The following NCAPG2 variants were observed in gnomAD, a reference collection of about 807,000 sequenced individuals.
NCAPG2 encodes the protein non-SMC condensin II complex subunit G2, also known as condensin-2 complex subunit G2.
NCAPG2 carries 53 observed loss-of-function variants against 141.1 expected under a neutral mutation model. That is an observed-to-expected ratio of 0.38 (90% CI 0.30 to 0.47). NCAPG2 has a LOEUF of 0.47. Among genes scored for constraint, NCAPG2 ranks in the 20% least tolerant of loss-of-function variants. The pLI, the probability that NCAPG2 is intolerant of heterozygous loss-of-function variation, is 0.99. For synonymous variants in NCAPG2, 499 were observed against 490.7 expected, an observed-to-expected ratio of 1.02 and a Z score of -0.22; for missense variants, 1,087 against 1,389.0, an observed-to-expected ratio of 0.78 and a Z score of 3.46.
At chr7:158,642,498 A>G (rs1173181523) in intron 27 of NCAPG2, among the ~76,000 whole-genome samples, 1 of 152,132 alleles carries the variant, frequency 6.6e-6, no homozygotes, top group Non-Finnish European at 1.5e-5. Flanking sequence ...ACTACACTCC[A>G]GCCTGGGTGA....
At position 158,654,907 on chromosome 7, in the gene NCAPG2, G is replaced by T. The variant is rs910040162; in HGVS notation, c.2646+211C>A. On this transcript the variant is annotated intron_variant, in intron 21 of 27. Coordinates refer to ENST00000356309, the MANE Select transcript of NCAPG2 (RefSeq NM_017760.7). ...TTTATGTAATTCCACAAACATAATC[G>T]AACACCTCTTATATGTAATGTATAA... 7.1e-6 allele frequency: 8 copies of T among 1,124,324 alleles called. No individual in the cohort carries two copies. In the African/African-American group the frequency reaches 1.3e-4, roughly 18 times the overall value. The allele number at this position is 1,124,324 out of a possible 1,614,324, so 69.6% of individuals were successfully genotyped here.
At chr7:158,660,400 T>C (rs1302786452) in intron 16 of NCAPG2, among the ~76,000 whole-genome samples, 2 of 135,908 alleles carry the variant, frequency 1.5e-5, no homozygotes, top group African/African-American at 5.7e-5. Context: ...ATTTCAGCTT[T>C]CTTTTTTTTT....
intron 15 of NCAPG2, among the ~76,000 whole-genome samples, chr7:158,663,521 C>T (rs1832696657): frequency 6.6e-6 from 1 of 152,226 alleles, no homozygotes; most frequent in Admixed American, 6.5e-5. Flanking sequence ...CTGGGTGAGC[C>T]ATCTGCTGCC....
In NCAPG2 at chr7:158,662,330, C is replaced by T; in HGVS notation, c.1853G>A (p.Cys618Tyr). 6.3e-7 allele frequency: 1 copy of T among 1,599,850 alleles called. No homozygotes were observed. Among genetic ancestry groups the T allele is most frequent in the South Asian group, 1.2e-5 (1 of 86,442 alleles). ...DKTLSVNDVA[C>Y]MAGLLEIIVI... ...AATGATTTCTAGTAAACCTGCCATG[C>T]ATGCAACATCGTTTACTGACAGTGT... Residue 618 changes from cysteine (C) to tyrosine (Y), a missense_variant, in exon 16 of 28, where the codon TGC becomes TAC. Physicochemically the swap from Cys to Tyr is radical, Grantham distance 194. Coordinates refer to ENST00000356309, the MANE Select transcript of NCAPG2 (RefSeq NM_017760.7).
At chr7:158,646,374 C>T in intron 25 of NCAPG2, 86 bp downstream of exon 25, 2 of 927,780 alleles carry the variant, frequency 2.2e-6, no homozygotes, top group Non-Finnish European at 1.6e-6. Context: ...CTTTGAAAAA[C>T]TTGAGTGTAA....
Position 158,654,664 on chromosome 7 carries a change from T to A in NCAPG2, c.2677A>T (p.Met893Leu). Residue 893 changes from methionine (M) to leucine (L), a missense_variant, in exon 22 of 28, where the codon ATG becomes TTG. Physicochemically the swap from Met to Leu is conservative, Grantham distance 15. Transcript: ENST00000356309. The stretch of plus-strand genomic sequence containing the variant: ...AACTGATGGTCACCAAGGCCTACCA[T>A]AACAACATCTTTACACACAGTCAGG... The part of the protein sequence containing the change: ...TYLTVCKDVV[M>L]VGLGDHQFQM... 6.2e-7 allele frequency: 1 copy of A among 1,614,040 alleles called. No homozygotes were observed. The highest frequency in any genetic ancestry group is 1.1e-5 in the South Asian group (1 of 91,066).
chr7:158,679,182 A>G (rs1386898407), intron 11 of NCAPG2, among the ~76,000 whole-genome samples: 1 of 152,208 alleles, frequency 6.6e-6, no homozygotes, highest in African/African-American at 2.4e-5. Flanking sequence ...AACTTTCTGC[A>G]TGTCAGGTTT....
chr7:158,651,918 A>T (rs1429261735), intron 23 of NCAPG2, among the ~76,000 whole-genome samples: 2 of 152,152 alleles, frequency 1.3e-5, no homozygotes, highest in African/African-American at 2.4e-5. Flanking sequence ...TATTTGGAAA[A>T]CTCTGTGAAC....
At chr7:158,670,339 G>A (rs1833607635) in intron 13 of NCAPG2, among the ~76,000 whole-genome samples, 1 of 152,196 alleles carries the variant, frequency 6.6e-6, no homozygotes, top group Non-Finnish European at 1.5e-5. Flanking sequence ...GCCAAGGTGG[G>A]CAGATCGCTT....
In NCAPG2 at chr7:158,656,303, C is replaced by T. The variant is rs760942319; in HGVS notation, c.2345G>A (p.Arg782Gln). The change falls in exon 19 of 28, where the codon CGG becomes CAG. Residue 782 changes from arginine (R) to glutamine (Q), a missense_variant. Transcript: ENST00000356309. Reference protein sequence around the residue: ...KNRECLLSAPRKKLNHLLKAL... With the variant: ...KNRECLLSAPQKKLNHLLKAL... ...TTTCAAAAGATGGTTAAGTTTCTTC[C>T]GAGGAGCAGAGAGCAAGCACTCGCG... 3.1e-6 allele frequency: 5 copies of T among 1,614,086 alleles called. No homozygotes were observed. Among genetic ancestry groups the T allele is most frequent in the South Asian group, 2.2e-5 (2 of 91,066 alleles).
chr7:158,683,801 G>C (rs756806300), intron 8 of NCAPG2, among the ~76,000 whole-genome samples: 56 of 152,202 alleles, frequency 3.7e-4, no homozygotes, highest in Non-Finnish European at 2.4e-4. Context: ...AACAAAAACA[G>C]AACTACCTCT....
intron 27 of NCAPG2, among the ~76,000 whole-genome samples, chr7:158,637,598 C>T (rs1830374550): frequency 6.6e-6 from 1 of 152,274 alleles, no homozygotes; most frequent in East Asian, 1.9e-4. Flanking sequence ...CCCAGCACCT[C>T]CCCTGCGATG....
chr7:158,655,013 G>A, intron 21 of NCAPG2, 105 bp downstream of exon 21: 1 of 1,380,020 alleles, frequency 7.2e-7, no homozygotes, highest in Non-Finnish European at 9.7e-7. Flanking sequence ...AAGTTTTTAA[G>A]AATAACACTA....
intron 22 of NCAPG2, among the ~76,000 whole-genome samples, chr7:158,653,751 T>C (rs111638328): frequency 9.5e-4 from 145 of 152,372 alleles, no homozygotes; most frequent in African/African-American, 3.3e-3. Context: ...TTTCAATCTC[T>C]TCTAGCAAAT....
intron 22 of NCAPG2, 57 bp downstream of exon 22, chr7:158,654,538 G>A (rs1401529639): frequency 5.3e-6 from 8 of 1,520,612 alleles, no homozygotes; most frequent in Non-Finnish European, 7.2e-6. Context: ...GTAAAGGAGG[G>A]AGGGAGGGAA....
chr7:158,665,387 A>G (rs1054312474), intron 13 of NCAPG2: 1 of 152,436 alleles, frequency 6.6e-6, no homozygotes, highest in South Asian at 2.1e-4. Flanking sequence ...TACAGAAAGC[A>G]AGCACCAATC....
intron 11 of NCAPG2, 143 bp downstream of exon 11, chr7:158,679,817 G>A: frequency 9.1e-7 from 1 of 1,098,642 alleles, no homozygotes; most frequent in Non-Finnish European, 1.3e-6. Flanking sequence ...TCTCTCTGAA[G>A]AACAGTCCAG....
rs1258264247 is a variant in NCAPG2, at chr7:158,675,500, C to T, written c.1303G>A (p.Asp435Asn). 21 of 1,607,422 alleles carry T rather than the reference C, an allele frequency of 1.3e-5. No homozygotes were observed. The highest frequency in any genetic ancestry group is 1.7e-5 in the Non-Finnish European group (20 of 1,178,604). The stretch of plus-strand genomic sequence containing the variant: ...ACCTTAAAGACAGAACAACGAACAT[C>T]AGCTGAGCTCGTGTCAAATGCCAGT... Reference protein sequence around the residue: ...GELAFDTSSADVRCSVFKCLP... With the variant: ...GELAFDTSSANVRCSVFKCLP... The change falls in exon 12 of 28, where the codon GAT (aspartate) becomes AAT (asparagine). Residue 435 changes from aspartate (D) to asparagine (N), a missense_variant. Asp to Asn is a conservative substitution (Grantham distance 23, BLOSUM62 1). Transcript: ENST00000356309.
chr7:158,690,800 G>A (rs1835068392), intron 4 of NCAPG2, 78 bp from the exon 5 acceptor site: 1 of 1,311,616 alleles, frequency 7.6e-7, no homozygotes, highest in South Asian at 1.4e-5. Context: ...AGAGTATCAT[G>A]ACTTTATATA....
Sources: gnomAD v4.1 joint callset for allele counts (sites outside exome capture counted in the v4.1 genomes callset) on GRCh38, gnomAD v4.1.1 for gene constraint, MANE v1.5 for transcripts, NCBI Gene and HGNC (gene_info 2026-07-23, HGNC 2026-07-21) for gene names.